CPB1: variants seen among roughly 807,000 people sequenced by gnomAD.
CPB1 encodes carboxypeptidase B1.
A neutral mutation model predicts 51.4 loss-of-function variants in CPB1; 53 were observed. The ratio of observed to expected loss-of-function variants is 1.03; its 90% CI spans 0.83 to 1.30. The LOEUF is 1.30. Ranked by LOEUF, CPB1 falls within the 50% of genes most tolerant of loss-of-function variation. CPB1 has a pLI of 0.00. For synonymous variants in CPB1, 189 were observed against 186.9 expected (o/e 1.01, Z -0.09); for missense variants, 494 against 516.2 (o/e 0.96, Z 0.42).
chr3:148,858,113 A>AC (rs2108023263), intron 10 of CPB1, among the ~76,000 whole-genome samples: 1 of 152,262 alleles, frequency 6.6e-6, no homozygotes, highest in South Asian at 2.1e-4. Flanking sequence ...AAGCAGCAAA[A>AC]ATAAGCAGTC....
intron 2 of CPB1, among the ~76,000 whole-genome samples, chr3:148,834,092 C>A (rs182791106): frequency 6.6e-6 from 1 of 152,254 alleles, no homozygotes; most frequent in Admixed American, 6.5e-5. Flanking sequence ...AGTAAAACAG[C>A]TTCATATTTC....
chr3:148,846,464 C>A (rs1268377180), intron 9 of CPB1, among the ~76,000 whole-genome samples: 1 of 151,442 alleles, frequency 6.6e-6, no homozygotes, highest in Non-Finnish European at 1.5e-5. Flanking sequence ...AAATGTATTC[C>A]ATTTAGACAA....
In CPB1 at chr3:148,841,848, C is replaced by T; in HGVS notation, c.500C>T (p.Pro167Leu). The T allele has an allele frequency of 6.2e-7, 1 of 1,613,900 alleles. No homozygotes were observed. The highest frequency in any genetic ancestry group is 8.5e-7 in the Non-Finnish European group (1 of 1,179,838). Reference sequence around the variant, plus strand: ...GTTGGCAAAGCTGGACAAAATAAGCCTGCCATTTTCATGGACTGTGGTTTC... The same window carrying T: ...GTTGGCAAAGCTGGACAAAATAAGCTTGCCATTTTCATGGACTGTGGTTTC... ...LKVGKAGQNK[P>L]AIFMDCGFHA... is the part of the protein sequence containing the mutation. Residue 167 changes from proline (P) to leucine (L), a missense_variant, in exon 6 of 11, where the codon CCT (proline) becomes CTT (leucine). Transcript: ENST00000282957.
At chr3:148,838,580 C>T (rs1045056389) in intron 3 of CPB1, among the ~76,000 whole-genome samples, 8 of 151,876 alleles carry the variant, frequency 5.3e-5, no homozygotes, top group African/African-American at 1.9e-4. Flanking sequence ...TATCATTTTC[C>T]TGAACTATTT....
At chr3:148,843,962 T>C (rs1713160126) in intron 6 of CPB1, among the ~76,000 whole-genome samples, 1 of 152,186 alleles carries the variant, frequency 6.6e-6, no homozygotes, top group Non-Finnish European at 1.5e-5. Context: ...AGAGGCATTC[T>C]CATTACCTTG....
chr3:148,833,337 C>G (rs2108011177), intron 2 of CPB1, among the ~76,000 whole-genome samples: 1 of 152,214 alleles, frequency 6.6e-6, no homozygotes, highest in South Asian at 2.1e-4. Flanking sequence ...CGTGACTCAC[C>G]ACCTCTAGAT....
chr3:148,855,152 G>C (rs1163060265), intron 9 of CPB1: 1 of 152,188 alleles, frequency 6.6e-6, no homozygotes, highest in South Asian at 2.1e-4. Context: ...TGACATGATA[G>C]AGCCATCGAA....
intron 9 of CPB1, chr3:148,854,299 A>G (rs988774524): frequency 6.6e-6 from 1 of 152,286 alleles, no homozygotes; most frequent in East Asian, 1.9e-4. Context: ...AATGAGTAAC[A>G]TTTGTGAAAT....
intron 9 of CPB1, among the ~76,000 whole-genome samples, chr3:148,845,972 A>C (rs2108017172): frequency 6.6e-6 from 1 of 152,132 alleles, no homozygotes; most frequent in Non-Finnish European, 1.5e-5. Context: ...TTTTTTTTTC[A>C]GTCAGTTTTG....
At position 148,859,797 on chromosome 3, in the gene CPB1, G is replaced by A; in HGVS notation, c.1067-18G>A. ...CCTAGATTTAAAGTTTTTTTTCACTGCTGTTTGCACATTTCAGATCCTGCT... is the reference window on the plus strand; with the variant it reads ...CCTAGATTTAAAGTTTTTTTTCACTACTGTTTGCACATTTCAGATCCTGCT... On this transcript the variant is annotated intron_variant, in intron 10 of 10. Coordinates refer to ENST00000282957, the MANE Select transcript of CPB1 (RefSeq NM_001871.3). 3 of 1,567,750 alleles carry A rather than the reference G, an allele frequency of 1.9e-6. No individual in the cohort carries two copies. The highest frequency in any genetic ancestry group is 2.6e-6 in the Non-Finnish European group (3 of 1,154,960).
intron 9 of CPB1, chr3:148,851,841 G>C (rs1454841587): frequency 1.3e-5 from 2 of 152,248 alleles, no homozygotes; most frequent in Non-Finnish European, 2.9e-5. Context: ...AGGTTGTGTA[G>C]GCACTTGAAT....
chr3:148,840,925 C>A lies in CPB1; in HGVS notation c.424C>A (p.Arg142Ser). Residue 142 changes from arginine to serine, a missense_variant, in exon 5 of 11, where the codon CGC (arginine) becomes AGC (serine). Arg to Ser is a moderately radical substitution (Grantham distance 110). Coordinates refer to ENST00000282957, the MANE Select transcript of CPB1 (RefSeq NM_001871.3). The stretch of plus-strand genomic sequence containing the variant: ...CACTGAGAATCCAGCCCTCATCTCT[C>A]GCAGTGTTATCGGAACCACATTTGA... Reference protein sequence around the residue: ...VATENPALISRSVIGTTFEGR... With the variant: ...VATENPALISSSVIGTTFEGR... The A allele has an allele frequency of 6.2e-7, 1 of 1,614,090 alleles. No individual in the cohort carries two copies. The highest frequency in any genetic ancestry group is 2.2e-5 in the East Asian group (1 of 44,870).
At chr3:148,831,957 C>T (rs1172208650) in intron 2 of CPB1, among the ~76,000 whole-genome samples, 1 of 152,086 alleles carries the variant, frequency 6.6e-6, no homozygotes, top group Non-Finnish European at 1.5e-5. Context: ...GATTTCCAGC[C>T]ATGTTTCTCC....
intron 2 of CPB1, among the ~76,000 whole-genome samples, chr3:148,833,421 G>A (rs1712797662): frequency 6.6e-6 from 1 of 152,164 alleles, no homozygotes; most frequent in African/African-American, 2.4e-5. Flanking sequence ...CTGAAACTGA[G>A]ATGCCTTACA....
intron 3 of CPB1, among the ~76,000 whole-genome samples, chr3:148,836,403 A>T (rs1248494197): frequency 6.6e-6 from 1 of 152,200 alleles, no homozygotes; most frequent in Non-Finnish European, 1.5e-5. Context: ...TGGAGCCTTC[A>T]GTAGCATTCA....
chr3:148,847,517 T>G (rs1713293081), intron 9 of CPB1, among the ~76,000 whole-genome samples: 1 of 151,984 alleles, frequency 6.6e-6, no homozygotes, highest in African/African-American at 2.4e-5. Context: ...TTCACATGTG[T>G]GCCAAATGGT....
Position 148,828,025 on chromosome 3 carries a change from T to C in CPB1, c.95T>C (p.Val32Ala), listed in dbSNP as rs754000895. The change falls in exon 2 of 11, where the codon GTT (valine) becomes GCT (alanine). Residue 32 changes from valine to alanine, a missense_variant. Physicochemically the swap from Val to Ala is moderately conservative, Grantham distance 64. Transcript: ENST00000282957. ...AGCGAGAAGGTGTTCCGTGTTAACG[T>C]TGAAGATGAAAATCACATTAACATA... ...FEGEKVFRVN[V>A]EDENHINIIR... is the part of the protein sequence containing the mutation. The C allele has an allele frequency of 6.2e-6, 10 of 1,614,128 alleles. No homozygotes were observed. The highest frequency in any genetic ancestry group is 3.3e-5 in the Admixed American group (2 of 60,014).
intron 8 of CPB1, among the ~76,000 whole-genome samples, chr3:148,845,110 A>C (rs1012654646): frequency 5.3e-5 from 8 of 152,020 alleles, no homozygotes; most frequent in Non-Finnish European, 1.2e-4. Flanking sequence ...CATAGTAATA[A>C]TTTTTTCATG....
chr3:148,841,880 A>G lies in CPB1; in HGVS notation c.532A>G (p.Arg178Gly). The change falls in exon 6 of 11, where the codon AGA (arginine) becomes GGA (glycine). Residue 178 changes from arginine (R) to glycine (G), a missense_variant. Coordinates refer to ENST00000282957, the MANE Select transcript of CPB1 (RefSeq NM_001871.3). ...TTTCATGGACTGTGGTTTCCATGCCAGAGAGTGGATTTCTCCTGCATTCTG... is the reference window on the plus strand; with the variant it reads ...TTTCATGGACTGTGGTTTCCATGCCGGAGAGTGGATTTCTCCTGCATTCTG... ...AIFMDCGFHA[R>G]EWISPAFCQW... 1.2e-6 allele frequency: 2 copies of G among 1,614,062 alleles called. No homozygotes were observed. Among genetic ancestry groups the G allele is most frequent in the Non-Finnish European group, 1.7e-6 (2 of 1,179,922 alleles).
Sources: gnomAD v4.1 joint callset for allele counts (sites outside exome capture counted in the v4.1 genomes callset) on GRCh38, gnomAD v4.1.1 for gene constraint, MANE v1.5 for transcripts, NCBI Gene and HGNC (gene_info 2026-07-23, HGNC 2026-07-21) for gene names.